The following BANK1 variants were observed in gnomAD, a reference collection of about 807,000 sequenced individuals.
BANK1 encodes B-cell scaffold protein with ankyrin repeats.
Under a neutral mutation model 94.5 loss-of-function variants are expected in BANK1, and 95 were observed. The ratio of observed to expected loss-of-function variants is 1.00; its 90% CI spans 0.85 to 1.19. The LOEUF (loss-of-function observed/expected upper bound fraction) is 1.19. Ranked by LOEUF, BANK1 falls within the 50% of genes most tolerant of loss-of-function variation. The probability of loss-of-function intolerance (pLI) is 0.00; values close to 1 mark genes in which losing one functional copy is unlikely to be tolerated. For synonymous variants in BANK1, 334 were observed against 308.4 expected (o/e 1.08, Z -0.87); for missense variants, 987 against 932.2 (o/e 1.06, Z -0.77).
At chr4:102,016,711 TTC>T (rs1726712770) in intron 7 of BANK1, among the ~76,000 whole-genome samples, 1 of 152,184 alleles carries the variant, frequency 6.6e-6, no homozygotes, top group Admixed American at 6.5e-5. Context: ...ACTTAAAACC[TTC>T]TCTCCTGATT....
At chr4:101,807,216 A>C (rs1725583284) in intron 1 of BANK1, among the ~76,000 whole-genome samples, 1 of 152,228 alleles carries the variant, frequency 6.6e-6, no homozygotes, top group Admixed American at 6.5e-5. Context: ...TTGTACAAGA[A>C]AAATTTTTCT....
chr4:102,022,974 C>T (rs972085145), intron 8 of BANK1, among the ~76,000 whole-genome samples: 17 of 152,200 alleles, frequency 1.1e-4, no homozygotes, highest in Non-Finnish European at 1.5e-5. Flanking sequence ...CCCTACTCTT[C>T]ATTTCACTTT....
chr4:102,016,426 T>A (rs1350807498), intron 7 of BANK1, among the ~76,000 whole-genome samples: 3 of 152,176 alleles, frequency 2.0e-5, no homozygotes, highest in Non-Finnish European at 2.9e-5. Flanking sequence ...CTCTCCAACA[T>A]TTTTTATTCA....
chr4:101,822,867 G>A (rs188908240), intron 1 of BANK1, among the ~76,000 whole-genome samples: 8 of 151,976 alleles, frequency 5.3e-5, no homozygotes, highest in Non-Finnish European at 7.4e-5. Flanking sequence ...CGCCCGCCTC[G>A]GCCTCCCAGA....
At chr4:101,892,339 A>G (rs967871124) in intron 5 of BANK1, among the ~76,000 whole-genome samples, 23 of 151,692 alleles carry the variant, frequency 1.5e-4, no homozygotes, top group Non-Finnish European at 1.3e-4. Context: ...TTTTTAAGTT[A>G]CATTCATCAA....
chr4:101,845,633 A>AAAG (rs1727215058), intron 2 of BANK1, among the ~76,000 whole-genome samples: 2 of 152,226 alleles, frequency 1.3e-5, no homozygotes, highest in Admixed American at 1.3e-4. Context: ...TTGACAACAT[A>AAAG]TAGCTGCCTC....
intron 7 of BANK1, among the ~76,000 whole-genome samples, chr4:101,949,370 A>T (rs912058770): frequency 3.9e-5 from 6 of 152,092 alleles, no homozygotes; most frequent in African/African-American, 1.4e-4. Flanking sequence ...ATGAGAGGGG[A>T]CTACAAAGTT....
At chr4:102,070,380 A>G (rs1046105941) in intron 13 of BANK1, among the ~76,000 whole-genome samples, 3 of 152,160 alleles carry the variant, frequency 2.0e-5, no homozygotes, top group African/African-American at 7.2e-5. Flanking sequence ...GCATGCCCAC[A>G]TAAGGCTTTC....
chr4:101,914,572 A>C (rs923369566), intron 6 of BANK1, among the ~76,000 whole-genome samples: 1 of 152,066 alleles, frequency 6.6e-6, no homozygotes, highest in South Asian at 2.1e-4. Flanking sequence ...TCAATGCTGA[A>C]CCTTTGCTCC....
intron 5 of BANK1, among the ~76,000 whole-genome samples, chr4:101,876,289 T>C (rs1578372377): frequency 6.6e-6 from 1 of 152,170 alleles, no homozygotes; most frequent in South Asian, 2.1e-4. Context: ...AGACTTTCTA[T>C]GCTTGAGAAA....
intron 1 of BANK1, among the ~76,000 whole-genome samples, chr4:101,814,565 C>T (rs1725837149): frequency 6.6e-6 from 1 of 152,164 alleles, no homozygotes; most frequent in Non-Finnish European, 1.5e-5. Context: ...CCGTTGAGAA[C>T]CTCAAGAAAC....
chr4:102,054,618 T>C (rs1286486296), intron 11 of BANK1, among the ~76,000 whole-genome samples: 3 of 152,068 alleles, frequency 2.0e-5, no homozygotes, highest in East Asian at 1.9e-4. Context: ...GAGAATTAAA[T>C]TGATGTAAAA....
Position 101,986,857 on chromosome 4 carries a change from A to G in BANK1, c.1207-34657A>G, listed in dbSNP as rs58204925. Among the ~76,000 whole-genome samples, 142 of 48,828 alleles carry G rather than the reference A, an allele frequency of 2.9e-3. 2 individuals carry two copies. Among genetic ancestry groups the G allele is most frequent in the African/African-American group, 7.3e-3 (96 of 13,084 alleles). 32.0% of individuals were successfully genotyped at this position (48,828 alleles called of 152,430 possible). A position where few individuals can be genotyped will look rare whatever the true frequency, so the allele number is the denominator to read the frequency against. Reference sequence around the variant, plus strand: ...TGTATATATATGTGTATATATATGTATATATATATGTGTGTATGTGTGTGT... The same window carrying G: ...TGTATATATATGTGTATATATATGTGTATATATATGTGTGTATGTGTGTGT... On this transcript the variant is annotated intron_variant, in intron 7 of 16. Coordinates refer to ENST00000322953, the MANE Select transcript of BANK1 (RefSeq NM_017935.5).
intron 10 of BANK1, chr4:102,032,390 G>T (rs1230720276): frequency 6.6e-6 from 1 of 152,060 alleles, no homozygotes; most frequent in Non-Finnish European, 1.5e-5. Flanking sequence ...TCTCTTTTAG[G>T]TGGGTACAGA....
At chr4:101,839,212 A>C (rs1416251770) in intron 2 of BANK1, among the ~76,000 whole-genome samples, 1 of 152,178 alleles carries the variant, frequency 6.6e-6, no homozygotes, top group Non-Finnish European at 1.5e-5. Context: ...ATATTCTCAT[A>C]TGTTGAGAGA....
chr4:102,068,044 C>A (rs1728648078), intron 13 of BANK1, among the ~76,000 whole-genome samples: 1 of 151,810 alleles, frequency 6.6e-6, no homozygotes, highest in South Asian at 2.1e-4. Context: ...AGAACATCTC[C>A]CAATATATTT....
At chr4:102,030,477 C>T (rs1397289675) in intron 10 of BANK1, among the ~76,000 whole-genome samples, 1 of 150,890 alleles carries the variant, frequency 6.6e-6, no homozygotes, top group Non-Finnish European at 1.5e-5. Context: ...GGTACATGTG[C>T]AGAACGTGCA....
At chr4:101,813,161 A>G (rs899741651) in intron 1 of BANK1, among the ~76,000 whole-genome samples, 1 of 152,172 alleles carries the variant, frequency 6.6e-6, no homozygotes, top group Non-Finnish European at 1.5e-5. Context: ...TTTTAGATAC[A>G]TAATGTTAAA....
intron 9 of BANK1, 54 bp from the exon 10 acceptor site, chr4:102,029,906 A>G: frequency 6.6e-7 from 1 of 1,511,364 alleles, no homozygotes. Flanking sequence ...GATGGACACC[A>G]ATAATGTTGC....
Sources: allele counts gnomAD v4.1 joint callset (sites outside exome capture counted in the v4.1 genomes callset), GRCh38; gene constraint gnomAD v4.1.1; transcripts MANE v1.5; gene names NCBI Gene and HGNC (gene_info 2026-07-23, HGNC 2026-07-21).